The following PEPD variants were observed in gnomAD, a reference collection of about 807,000 sequenced individuals.
The protein encoded by PEPD is xaa-Pro dipeptidase.
In PEPD, 53 loss-of-function variants were observed where a neutral mutation model predicts 60.7. That is an observed-to-expected ratio of 0.87 (90% CI 0.70 to 1.10). The LOEUF is 1.10. PEPD is among the 50% of genes least tolerant of loss of function. PEPD has a pLI of 0.00. For synonymous variants in PEPD, 267 were observed against 284.1 expected, an observed-to-expected ratio of 0.94 and a Z score of 0.60; for missense variants, 711 against 711.9, an observed-to-expected ratio of 1.00 and a Z score of 0.01.
chr19:33,410,033 G>C (rs904113647), intron 11 of PEPD, among the ~76,000 whole-genome samples: 1 of 152,238 alleles, frequency 6.6e-6, no homozygotes, highest in African/African-American at 2.4e-5. Context: ...ACGCAGGGGG[G>C]ACTGGGGACT....
chr19:33,459,588 G>A (rs1467645255), intron 9 of PEPD, among the ~76,000 whole-genome samples: 1 of 151,974 alleles, frequency 6.6e-6, no homozygotes, highest in Non-Finnish European at 1.5e-5. Flanking sequence ...CCTCAATTGC[G>A]GAAAATGATT....
intron 12 of PEPD, among the ~76,000 whole-genome samples, chr19:33,399,969 G>A (rs1285921296): frequency 1.3e-5 from 2 of 152,132 alleles, no homozygotes; most frequent in Admixed American, 1.3e-4. Flanking sequence ...CTGGCCAGCA[G>A]GCGGCAGAGC....
chr19:33,508,633 T>C (rs1422625218), intron 3 of PEPD, among the ~76,000 whole-genome samples: 1 of 152,172 alleles, frequency 6.6e-6, no homozygotes, highest in Non-Finnish European at 1.5e-5. Flanking sequence ...ATGGGGAGTC[T>C]GCGCTTCCTC....
intron 9 of PEPD, among the ~76,000 whole-genome samples, chr19:33,452,405 C>T (rs547351436): frequency 8.6e-5 from 13 of 152,000 alleles, no homozygotes; most frequent in African/African-American, 2.2e-4. Context: ...AAGACAGATG[C>T]GTCAAAACAA....
At chr19:33,409,107 G>A (rs926584503) in intron 11 of PEPD, among the ~76,000 whole-genome samples, 28 of 152,234 alleles carry the variant, frequency 1.8e-4, no homozygotes, top group Middle Eastern at 3.2e-3. Context: ...CCGGAGGGCC[G>A]AGGCCACAGC....
At chr19:33,390,385 T>C (rs1403898826) in intron 13 of PEPD, among the ~76,000 whole-genome samples, 1 of 152,246 alleles carries the variant, frequency 6.6e-6, no homozygotes, top group Non-Finnish European at 1.5e-5. Context: ...TTTAACTGTT[T>C]ACACTTGAGG....
At chr19:33,411,330 C>T (rs1466054833) in intron 11 of PEPD, among the ~76,000 whole-genome samples, 2 of 152,290 alleles carry the variant, frequency 1.3e-5, no homozygotes, top group Admixed American at 1.3e-4. Flanking sequence ...AAGATGCGAG[C>T]GTGGTGCCCC....
Position 33,391,960 on chromosome 19 carries a change from G to A in PEPD, c.968-481C>T, listed in dbSNP as rs561856569. ...AGAGCTCCGATGGGGTTTTGCTGCT[G>A]TGGTGCAGTGGGGAAGCCCGAGGCT... On this transcript the variant is annotated intron_variant, in intron 12 of 14. Coordinates refer to ENST00000244137, the MANE Select transcript of PEPD (RefSeq NM_000285.4). Among the ~76,000 whole-genome samples the A allele has an allele frequency of 3.0e-4, 46 of 152,356 alleles. 1 individual carries two copies. The highest frequency in any genetic ancestry group is 1.0e-3 in the African/African-American group (43 of 41,598).
chr19:33,390,595 G>A (rs1361487758), intron 13 of PEPD, among the ~76,000 whole-genome samples: 2 of 149,830 alleles, frequency 1.3e-5, no homozygotes, highest in East Asian at 3.8e-4. Context: ...CCAAGGGCAG[G>A]GATGGGAGCG....
chr19:33,505,295 C>T (rs561062122), intron 3 of PEPD, among the ~76,000 whole-genome samples: 2 of 152,114 alleles, frequency 1.3e-5, no homozygotes, highest in Admixed American at 6.5e-5. Context: ...CGGTGGAAGC[C>T]GGCAGCCATC....
At chr19:33,490,363 C>T (rs558010461) in intron 5 of PEPD, among the ~76,000 whole-genome samples, 1 of 152,258 alleles carries the variant, frequency 6.6e-6, no homozygotes, top group Non-Finnish European at 1.5e-5. Context: ...GCTGCCCAGG[C>T]ACAGGCGAGG....
intron 9 of PEPD, among the ~76,000 whole-genome samples, chr19:33,424,234 C>T (rs1193981219): frequency 6.6e-6 from 1 of 152,232 alleles, no homozygotes; most frequent in Admixed American, 6.5e-5. Context: ...AAGGACAGGA[C>T]ACCAGAGGCA....
intron 12 of PEPD, among the ~76,000 whole-genome samples, chr19:33,397,240 T>G (rs1378194146): frequency 2.6e-5 from 4 of 152,198 alleles, no homozygotes; most frequent in African/African-American, 9.6e-5. Context: ...GGCCAAGGCC[T>G]GCATTCCTCA....
chr19:33,415,739 T>G (rs1568460063), intron 9 of PEPD, among the ~76,000 whole-genome samples: 1 of 152,290 alleles, frequency 6.6e-6, no homozygotes, highest in East Asian at 1.9e-4. Flanking sequence ...ACCTGCAAAG[T>G]GCAGCCCGAC....
chr19:33,427,399 GC>G (rs1034998827), intron 9 of PEPD, among the ~76,000 whole-genome samples: 5 of 152,186 alleles, frequency 3.3e-5, no homozygotes, highest in Non-Finnish European at 5.9e-5. Context: ...AGCCCCAGGA[GC>G]CCCCCATCGG....
chr19:33,453,546 G>T (rs1969739635), intron 9 of PEPD, among the ~76,000 whole-genome samples: 2 of 152,076 alleles, frequency 1.3e-5, no homozygotes, highest in Non-Finnish European at 2.9e-5. Flanking sequence ...GCATTTTTTA[G>T]CAATAAAGTC....
At position 33,387,243 on chromosome 19, in the gene PEPD, G is replaced by A. The variant is rs1968091529; in HGVS notation, c.*101C>T. 2 of 1,378,020 alleles carry A rather than the reference G, an allele frequency of 1.5e-6. No individual in the cohort carries two copies. The highest frequency in any genetic ancestry group is 2.0e-6 in the Non-Finnish European group (2 of 981,516). The allele number at this position is 1,378,020 out of a possible 1,614,324, so 85.4% of individuals were successfully genotyped here. A position where few individuals can be genotyped will look rare whatever the true frequency, so the allele number is the denominator to read the frequency against. On this transcript the variant is annotated 3_prime_UTR_variant, in exon 15 of 15. Coordinates refer to ENST00000244137, the MANE Select transcript of PEPD (RefSeq NM_000285.4). ...ATGCCGAAGCTGGGATCTGATTCTG[G>A]GTGCCGTCTCTCGCTACTGGAGTGC...
chr19:33,395,503 G>A (rs1228137626), intron 12 of PEPD, among the ~76,000 whole-genome samples: 2 of 152,190 alleles, frequency 1.3e-5, no homozygotes, highest in Admixed American at 1.3e-4. Context: ...AAATGGCAGG[G>A]CTCAGAGGAA....
At chr19:33,411,987 G>A (rs1968788399) in intron 10 of PEPD, among the ~76,000 whole-genome samples, 1 of 152,258 alleles carries the variant, frequency 6.6e-6, no homozygotes, top group African/African-American at 2.4e-5. Flanking sequence ...CCTCCTGGCT[G>A]AAGGCGTCGT....
Sources: gnomAD v4.1 joint callset for allele counts (sites outside exome capture counted in the v4.1 genomes callset) on GRCh38, gnomAD v4.1.1 for gene constraint, MANE v1.5 for transcripts, NCBI Gene and HGNC (gene_info 2026-07-23, HGNC 2026-07-21) for gene names.